The following ALDOB variants were observed in gnomAD, a reference collection of about 807,000 sequenced individuals.
ALDOB encodes the protein fructose-bisphosphate aldolase B.
In ALDOB, 39 loss-of-function variants were observed where a neutral mutation model predicts 41.0. That is an observed-to-expected ratio of 0.95 (90% CI 0.74 to 1.24). ALDOB has a LOEUF of 1.24. ALDOB is among the 50% of genes most tolerant of loss of function. ALDOB has a pLI of 0.00. For missense variants in ALDOB, 530 were observed against 457.3 expected, an observed-to-expected ratio of 1.16 and a Z score of -1.45; for synonymous variants, 175 against 168.8, an observed-to-expected ratio of 1.04 and a Z score of -0.28.
In ALDOB at chr9:101,430,810, A is replaced by G. The variant is rs1180910257; in HGVS notation, c.78T>C (p.Asn26=). 6.2e-6 allele frequency: 10 copies of G among 1,614,020 alleles called. No homozygotes were observed. The South Asian group carries it at 1.1e-4, about 18-fold the overall frequency. The change falls in exon 2 of 9, where the codon AAT becomes AAC. Residue 26 remains asparagine, a synonymous_variant. Transcript: ENST00000647789. The part of the protein sequence containing the change: ...LSEIAQSIVA[N]GKGILAADES... Reference sequence around the variant, plus strand: ...CATCTGCAGCCAGGATCCCCTTTCCATTGGCAACAATGCTCTGGGCAATTT... The same window carrying G: ...CATCTGCAGCCAGGATCCCCTTTCCGTTGGCAACAATGCTCTGGGCAATTT...
intron 4 of ALDOB, among the ~76,000 whole-genome samples, chr9:101,427,984 T>A (rs1051640887): frequency 6.6e-6 from 1 of 152,188 alleles, no homozygotes; most frequent in Non-Finnish European, 1.5e-5. Context: ...GGGATTCAAA[T>A]TCTGCTTAGC....
intron 1 of ALDOB, among the ~76,000 whole-genome samples, chr9:101,431,508 T>C (rs1036647355): frequency 6.6e-6 from 1 of 152,164 alleles, no homozygotes; most frequent in Non-Finnish European, 1.5e-5. Context: ...CCAGAGAGGA[T>C]GTTTCCTAAG....
rs1425954624 is a variant in ALDOB, at chr9:101,425,639, G to A, written c.625-12C>T. ...ACAGCAGCCAGGACCTGAAGGACAA[G>A]AGGTCCCACCAGGTGAAACTCAAAG... is the stretch of plus-strand genomic sequence containing the variant. On this transcript the variant is annotated splice_polypyrimidine_tract_variant and intron_variant, in intron 6 of 8. Transcript: ENST00000647789. 6.2e-7 allele frequency: 1 copy of A among 1,613,962 alleles called. No homozygotes were observed. The highest frequency in any genetic ancestry group is 8.5e-7 in the Non-Finnish European group (1 of 1,179,984).
chr9:101,432,625 G>A (rs1314370776), intron 1 of ALDOB, among the ~76,000 whole-genome samples: 1 of 152,300 alleles, frequency 6.6e-6, no homozygotes, highest in East Asian at 1.9e-4. Flanking sequence ...CTCTGCTAAT[G>A]GCTTTACATG....
At chr9:101,422,547 C>A (rs1238922842) in intron 8 of ALDOB, among the ~76,000 whole-genome samples, 1 of 152,198 alleles carries the variant, frequency 6.6e-6, no homozygotes, top group Non-Finnish European at 1.5e-5. Flanking sequence ...GGCCTTACCC[C>A]TGACCTACTG....
In ALDOB at chr9:101,421,607, G is replaced by C. The variant is rs1369746264; in HGVS notation, c.*202C>G. 5 of 639,322 alleles carry C rather than the reference G, an allele frequency of 7.8e-6. No individual in the cohort carries two copies. The East Asian group carries it at 8.6e-5, about 11-fold the overall frequency. The allele number at this position is 639,322 out of a possible 1,614,324, so 39.6% of individuals were successfully genotyped here. A position where few individuals can be genotyped will look rare whatever the true frequency, so the allele number is the denominator to read the frequency against. On this transcript the variant is annotated 3_prime_UTR_variant, in exon 9 of 9. Coordinates refer to ENST00000647789, the MANE Select transcript of ALDOB (RefSeq NM_000035.4). ...AAGTGTTGCAAGGAAACTGCTGTGT[G>C]AAATTTGATCAGGTCCTTGGTATTC...
chr9:101,435,064 G>A (rs1831272004), intron 1 of ALDOB, among the ~76,000 whole-genome samples: 1 of 152,188 alleles, frequency 6.6e-6, no homozygotes, highest in Non-Finnish European at 1.5e-5. Context: ...TCTTCACAGT[G>A]TCTGGGGCCA....
At chr9:101,435,323 A>G (rs1194279086) in intron 1 of ALDOB, among the ~76,000 whole-genome samples, 1 of 152,236 alleles carries the variant, frequency 6.6e-6, no homozygotes, top group Admixed American at 6.5e-5. Flanking sequence ...TCACTAAAAT[A>G]AGTAGTTGTT....
intron 3 of ALDOB, 116 bp downstream of exon 3, chr9:101,429,639 G>C: frequency 1.0e-6 from 1 of 998,944 alleles, no homozygotes; most frequent in Admixed American, 1.7e-5. Flanking sequence ...CGATGGAAAA[G>C]GGTGAGAAGA....
In ALDOB at chr9:101,424,870, G is replaced by A. The variant is rs952816406; in HGVS notation, c.972C>T (p.Thr324=). The change falls in exon 8 of 9, where the codon ACC becomes ACT. Residue 324 remains threonine (T), a synonymous_variant. Coordinates refer to ENST00000647789, the MANE Select transcript of ALDOB (RefSeq NM_000035.4). ...TGGCCCGCTTCATAAAAGCCTCCTGGGTTGCCTCCTTGTTTGCAGCCTTGC... is the reference window on the plus strand; with the variant it reads ...TGGCCCGCTTCATAAAAGCCTCCTGAGTTGCCTCCTTGTTTGCAGCCTTGC... ...WGGKAANKEA[T]QEAFMKRAMA... 1 of 1,613,464 alleles carries A rather than the reference G, an allele frequency of 6.2e-7. No homozygotes were observed. The highest frequency in any genetic ancestry group is 8.5e-7 in the Non-Finnish European group (1 of 1,180,024).
At chr9:101,427,173 G>A (rs570624417) in intron 5 of ALDOB, among the ~76,000 whole-genome samples, 3 of 152,150 alleles carry the variant, frequency 2.0e-5, no homozygotes, top group Non-Finnish European at 4.4e-5. Flanking sequence ...GGATGTTACG[G>A]AGTATAGACA....
At position 101,425,095 on chromosome 9, in the gene ALDOB, T is replaced by A. The variant is rs532789586; in HGVS notation, c.800-53A>T. ...ATTAGTCCCACCTTATATACCCTGC[T>A]TGAGAAAGCAAGCAATGAACCTACC... is the stretch of plus-strand genomic sequence containing the variant. On this transcript the variant is annotated intron_variant, in intron 7 of 8. Transcript: ENST00000647789. The A allele has an allele frequency of 1.6e-5, 26 of 1,590,872 alleles. No individual in the cohort carries two copies. The East Asian group carries it at 4.9e-4, about 30-fold the overall frequency.
At position 101,429,803 on chromosome 9, in the gene ALDOB, C is replaced by T; in HGVS notation, c.276G>A (p.Lys92=). The part of the protein sequence containing the change: ...ETLYQKDSQG[K]LFRNILKEKG... ...TTTCCTTGAGGATGTTTCTGAACAG[C>T]TTTCCCTGGCTGTCCTTCTGGTAGA... The change falls in exon 3 of 9, where the codon AAG becomes AAA. Residue 92 remains lysine (K), a synonymous_variant. Coordinates refer to ENST00000647789, the MANE Select transcript of ALDOB (RefSeq NM_000035.4). 6.2e-7 allele frequency: 1 copy of T among 1,614,162 alleles called. No individual in the cohort carries two copies. The highest frequency in any genetic ancestry group is 8.5e-7 in the Non-Finnish European group (1 of 1,180,020).
chr9:101,427,565 T>C lies in ALDOB; in HGVS notation c.457A>G (p.Arg153Gly). ...VDFGKWRAVL[R>G]IADQCPSSLA... is the part of the protein sequence containing the mutation. ...CTGGATGGACACTGGTCGGCAATCC[T>C]CAGCACAGCACGCCACTTCCCAAAG... The change falls in exon 5 of 9, where the codon AGG (arginine) becomes GGG (glycine). Residue 153 changes from arginine to glycine, a missense_variant. Arg to Gly is a moderately radical substitution (Grantham distance 125). Coordinates refer to ENST00000647789, the MANE Select transcript of ALDOB (RefSeq NM_000035.4). The C allele has an allele frequency of 6.2e-7, 1 of 1,614,202 alleles. No homozygotes were observed. The highest frequency in any genetic ancestry group is 8.5e-7 in the Non-Finnish European group (1 of 1,180,040).
At chr9:101,422,838 A>G (rs987136303) in intron 8 of ALDOB, among the ~76,000 whole-genome samples, 1 of 152,244 alleles carries the variant, frequency 6.6e-6, no homozygotes. Context: ...ATCATTATAC[A>G]TTATATGCAT....
rs1424700456 is a variant in ALDOB at position 101,421,652 on chromosome 9, T to A, written c.*157A>T. The A allele has an allele frequency of 2.8e-6, 2 of 723,872 alleles. No individual in the cohort carries two copies. The highest frequency in any genetic ancestry group is 1.7e-5 in the African/African-American group (1 of 57,182). 44.8% of individuals were successfully genotyped at this position (723,872 alleles called of 1,614,324 possible). A position where few individuals can be genotyped will look rare whatever the true frequency, so the allele number is the denominator to read the frequency against. On this transcript the variant is annotated 3_prime_UTR_variant, in exon 9 of 9. Transcript: ENST00000647789. ...GTATTCATTTTTATGTTTCAATAAC[T>A]GATTTATTTTTTCCCCCTTGTACTT...
intron 2 of ALDOB, 85 bp from the exon 3 acceptor site, chr9:101,430,051 C>T: frequency 8.4e-7 from 1 of 1,193,132 alleles, no homozygotes; most frequent in Non-Finnish European, 1.3e-6. Context: ...GAGACCCTCA[C>T]CACAGTGGAA....
intron 3 of ALDOB, among the ~76,000 whole-genome samples, chr9:101,429,355 C>A (rs1052221397): frequency 1.3e-5 from 2 of 151,994 alleles, no homozygotes; most frequent in African/African-American, 4.8e-5. Flanking sequence ...GACAAGGTCC[C>A]ACTGTGTTGC....
Position 101,425,472 on chromosome 9 carries a change from A to G in ALDOB, c.780T>C (p.Thr260=), listed in dbSNP as rs965153604. ...AMATVTALHR[T]VPAAVPGICF... ...CCTTACCAGGAACAGCTGCAGGAAC[A>G]GTACGGTGGAGAGCTGTTACGGTGG... The change falls in exon 7 of 9, where the codon ACT becomes ACC. Residue 260 remains threonine, a synonymous_variant. Transcript: ENST00000647789. 1.9e-6 allele frequency: 3 copies of G among 1,614,110 alleles called. No homozygotes were observed. In the African/African-American group the frequency reaches 4.0e-5, roughly 22 times the overall value.
Sources: gnomAD v4.1 joint callset for allele counts (sites outside exome capture counted in the v4.1 genomes callset) on GRCh38, gnomAD v4.1.1 for gene constraint, MANE v1.5 for transcripts, NCBI Gene and HGNC (gene_info 2026-07-23, HGNC 2026-07-21) for gene names.